The following DNAJC5B variants were observed in gnomAD, a reference collection of about 807,000 sequenced individuals.
The protein encoded by DNAJC5B is DnaJ heat shock protein family (Hsp40) member C5 beta.
DNAJC5B carries 23 observed loss-of-function variants against 24.7 expected under a neutral mutation model. The ratio of observed to expected loss-of-function variants is 0.93; its 90% confidence interval spans 0.67 to 1.32. DNAJC5B has a LOEUF of 1.32. Ranked by LOEUF, DNAJC5B falls within the 40% of genes most tolerant of loss-of-function variation. DNAJC5B has a pLI of 0.00. For missense variants in DNAJC5B, 238 were observed against 240.8 expected (o/e 0.99, Z 0.08); for synonymous variants, 101 against 90.1 (o/e 1.12, Z -0.68).
chr8:66,016,429 G>C, the DNAJC5B span, among the ~76,000 whole-genome samples: 1 of 152,020 alleles, frequency 6.6e-6, no homozygotes, highest in Non-Finnish European at 1.5e-5. Context: ...CACTCGCTCC[G>C]TTCTGCCACA....
chr8:66,084,801 G>A (rs1807684717), intron 5 of DNAJC5B, among the ~76,000 whole-genome samples: 2 of 152,130 alleles, frequency 1.3e-5, no homozygotes, highest in South Asian at 2.1e-4. Context: ...CTGCATCTTT[G>A]CAGAGGAAAA....
chr8:66,070,237 G>A (rs777075929), intron 3 of DNAJC5B, among the ~76,000 whole-genome samples: 1 of 152,036 alleles, frequency 6.6e-6, no homozygotes, highest in Admixed American at 6.6e-5. Flanking sequence ...AAGAAATAAA[G>A]GTATTCAAAT....
chr8:66,017,941 T>A (rs1310681699), upstream of DNAJC5B, among the ~76,000 whole-genome samples: 1 of 152,192 alleles, frequency 6.6e-6, no homozygotes, highest in Non-Finnish European at 1.5e-5. Context: ...ACAAAATTCC[T>A]TTCTATACCA....
intron 3 of DNAJC5B, among the ~76,000 whole-genome samples, chr8:66,073,288 C>T (rs1350485304): frequency 1.3e-5 from 2 of 151,956 alleles, no homozygotes; most frequent in Non-Finnish European, 2.9e-5. Flanking sequence ...GTCAAAACCA[C>T]AAAAAATTAA....
chr8:66,076,554 T>C (rs1807467175), intron 3 of DNAJC5B, 106 bp from the exon 4 acceptor site: 4 of 1,179,794 alleles, frequency 3.4e-6, no homozygotes, highest in African/African-American at 3.1e-5. Flanking sequence ...CATTTCACAG[T>C]ATTTGCGCTA....
At chr8:66,030,121 C>T (rs562155775) in intron 1 of DNAJC5B, among the ~76,000 whole-genome samples, 1 of 152,302 alleles carries the variant, frequency 6.6e-6, no homozygotes, top group African/African-American at 2.4e-5. Context: ...CTGTCTTCCT[C>T]CCCAACTCAG....
chr8:66,076,783 C>A lies in DNAJC5B; in HGVS notation c.243C>A (p.Asp81Glu), dbSNP rs774991530. Residue 81 changes from aspartate to glutamate, a missense_variant, in exon 4 of 6, where the codon GAC becomes GAA. By Grantham distance (45) the Asp-to-Glu change is conservative. Coordinates refer to ENST00000276570, the MANE Select transcript of DNAJC5B (RefSeq NM_033105.6). ...ACATTTCAAAGAGAAGCATATACGA[C>A]AAGTACGGATCGCTGGGACTCTACG... ...LTDISKRSIYDKYGSLGLYVA... is the reference protein window; with the variant it reads ...LTDISKRSIYEKYGSLGLYVA... 2.5e-6 allele frequency: 4 copies of A among 1,614,076 alleles called. No homozygotes were observed. The highest frequency in any genetic ancestry group is 3.3e-5 in the Admixed American group (2 of 60,014).
chr8:66,045,289 A>G (rs1419942972), intron 2 of DNAJC5B, among the ~76,000 whole-genome samples: 1 of 152,360 alleles, frequency 6.6e-6, no homozygotes, highest in East Asian at 1.9e-4. Flanking sequence ...CTTCATTAAA[A>G]GATGTTGTCT....
At chr8:66,047,556 C>T (rs112523050) in intron 2 of DNAJC5B, among the ~76,000 whole-genome samples, 2,651 of 152,288 alleles carry the variant, frequency 0.017, 68 homozygotes, top group African/African-American at 0.059. Flanking sequence ...GGGTCCCTCT[C>T]TGATGTCCCT....
At chr8:66,075,470 A>G (rs894606336) in intron 3 of DNAJC5B, among the ~76,000 whole-genome samples, 26 of 152,206 alleles carry the variant, frequency 1.7e-4, no homozygotes, top group Non-Finnish European at 2.9e-4. Context: ...AAAAGTAAAA[A>G]AATGACAAAA....
At chr8:66,015,996 G>C in the DNAJC5B span, among the ~76,000 whole-genome samples, 6 of 152,162 alleles carry the variant, frequency 3.9e-5, no homozygotes, top group Non-Finnish European at 5.9e-5. Flanking sequence ...AGGACCACAG[G>C]CTGGGTCATT....
At chr8:66,018,748 T>C (rs1177309629), upstream of DNAJC5B, among the ~76,000 whole-genome samples, 1 of 152,062 alleles carries the variant, frequency 6.6e-6, no homozygotes, top group Non-Finnish European at 1.5e-5. Context: ...TATATATATA[T>C]ATATAAAGTA....
intron 3 of DNAJC5B, among the ~76,000 whole-genome samples, chr8:66,067,911 G>A (rs891171509): frequency 6.6e-6 from 1 of 152,172 alleles, no homozygotes; most frequent in African/African-American, 2.4e-5. Context: ...GTTCTTTTAA[G>A]TTCCTAAACT....
At chr8:66,034,410 T>C (rs1185106766) in intron 1 of DNAJC5B, among the ~76,000 whole-genome samples, 2 of 151,572 alleles carry the variant, frequency 1.3e-5, no homozygotes, top group African/African-American at 4.9e-5. Flanking sequence ...GGGTGGTGGA[T>C]AGAGTTAGGA....
At chr8:66,074,308 G>A (rs890827955) in intron 3 of DNAJC5B, among the ~76,000 whole-genome samples, 4 of 152,168 alleles carry the variant, frequency 2.6e-5, no homozygotes, top group African/African-American at 9.7e-5. Flanking sequence ...GTTGGATGGG[G>A]CAAGGAAGAG....
At chr8:66,079,016 T>C (rs1418275493) in intron 4 of DNAJC5B, among the ~76,000 whole-genome samples, 1 of 152,226 alleles carries the variant, frequency 6.6e-6, no homozygotes, top group African/African-American at 2.4e-5. Context: ...TTTCTTTCTA[T>C]TTCAAATTAC....
intron 5 of DNAJC5B, among the ~76,000 whole-genome samples, chr8:66,094,230 G>C (rs1266262697): frequency 6.6e-6 from 1 of 152,000 alleles, no homozygotes; most frequent in African/African-American, 2.4e-5. Flanking sequence ...AACTTTTTAG[G>C]ATCTTGGTTA....
At chr8:66,016,004 A>G in the DNAJC5B span, among the ~76,000 whole-genome samples, 1 of 152,222 alleles carries the variant, frequency 6.6e-6, no homozygotes, top group Admixed American at 6.5e-5. Flanking sequence ...AGGCTGGGTC[A>G]TTTATATATA....
At chr8:66,038,109 G>A (rs1046208903) in intron 1 of DNAJC5B, among the ~76,000 whole-genome samples, 7 of 152,182 alleles carry the variant, frequency 4.6e-5, no homozygotes, top group African/African-American at 1.7e-4. Flanking sequence ...GGATCAAAAA[G>A]GATATAATTG....
Sources: gnomAD v4.1 joint callset for allele counts (sites outside exome capture counted in the v4.1 genomes callset) on GRCh38, gnomAD v4.1.1 for gene constraint, MANE v1.5 for transcripts, NCBI Gene and HGNC (gene_info 2026-07-23, HGNC 2026-07-21) for gene names.